STK32B: variants seen among roughly 807,000 people sequenced by gnomAD.
The protein encoded by STK32B is serine/threonine kinase 32B.
Under a neutral mutation model 52.6 loss-of-function variants are expected in STK32B, and 43 were observed. The observed-to-expected ratio is 0.82, with a 90% CI of 0.64 to 1.05. The LOEUF is 1.05. Among genes scored for constraint, STK32B ranks in the 50% least tolerant of loss-of-function variants. The pLI is 0.00. For synonymous variants in STK32B, 238 were observed against 204.3 expected, an observed-to-expected ratio of 1.17 and a Z score of -1.41; for missense variants, 621 against 534.6, an observed-to-expected ratio of 1.16 and a Z score of -1.59.
In STK32B at chr4:5,059,052, CTTTTTTTTTTTTTTTT is replaced by C. The variant is rs3072775; in HGVS notation, c.52+7151_52+7166del. Among the ~76,000 whole-genome samples the C allele has an allele frequency of 2.2e-3, 190 of 86,922 alleles. 5 individuals are homozygous for C. Among genetic ancestry groups the C allele is most frequent in the Non-Finnish European group, 5.0e-4 (24 of 47,892 alleles). The allele number at this position is 86,922 out of a possible 152,430, so 57.0% of individuals were successfully genotyped here. A position where few individuals can be genotyped will look rare whatever the true frequency, so the allele number is the denominator to read the frequency against. On this transcript the variant is annotated intron_variant, in intron 1 of 11. Transcript: ENST00000282908. ...AGGCGTGAGCCACCACGCCCAGCTG[CTTTTTTTTTTTTTTTT>C]TTTTTTTTTTTTTGTAGAGCTGAGG...
rs1720597468 is a variant in STK32B, at chr4:5,499,880, A to G, written c.*797A>G. The G allele has an allele frequency of 1.3e-5, 2 of 152,236 alleles. No homozygotes were observed. The highest frequency in any genetic ancestry group is 4.2e-4 in the South Asian group (2 of 4,812). 9.4% of individuals were successfully genotyped at this position (152,236 alleles called of 1,614,324 possible). Reference sequence around the variant, plus strand: ...CAGAGTGTAATCAGCACCCCATCCAACTGGCCCGAAAGCCCAGACCTGCAG... The same window carrying G: ...CAGAGTGTAATCAGCACCCCATCCAGCTGGCCCGAAAGCCCAGACCTGCAG... On this transcript the variant is annotated 3_prime_UTR_variant, in exon 12 of 12. Coordinates refer to ENST00000282908, the MANE Select transcript of STK32B (RefSeq NM_018401.3).
At chr4:5,486,526 G>A (rs1008513125) in intron 11 of STK32B, among the ~76,000 whole-genome samples, 22 of 152,224 alleles carry the variant, frequency 1.4e-4, no homozygotes, top group East Asian at 1.9e-4. Context: ...GACTTCTTGC[G>A]CTTCCAAGGT....
intron 3 of STK32B, among the ~76,000 whole-genome samples, chr4:5,181,663 G>A (rs1415043603): frequency 1.3e-5 from 2 of 152,222 alleles, no homozygotes; most frequent in Non-Finnish European, 2.9e-5. Context: ...ACGCCATACT[G>A]TAGTCGATTA....
chr4:5,357,072 TACACACACACACGTATACAC>T (rs1734233753), intron 4 of STK32B, among the ~76,000 whole-genome samples: 1 of 143,750 alleles, frequency 7.0e-6, no homozygotes, highest in Non-Finnish European at 1.5e-5. Context: ...TACACACATA[TACACACACACACGTATACAC>T]ACACACACAC....
At chr4:5,169,833 C>G (rs545679916) in intron 3 of STK32B, among the ~76,000 whole-genome samples, 1 of 152,018 alleles carries the variant, frequency 6.6e-6, no homozygotes, top group Non-Finnish European at 1.5e-5. Flanking sequence ...CAAAAATTAC[C>G]CAGAAGCTCT....
chr4:5,087,878 T>C (rs1485798198), intron 1 of STK32B, among the ~76,000 whole-genome samples: 1 of 151,948 alleles, frequency 6.6e-6, no homozygotes, highest in African/African-American at 2.4e-5. Context: ...CTTTCAAAAA[T>C]GAAAAGAGCA....
At chr4:5,166,814 C>T (rs569322646) in intron 2 of STK32B, among the ~76,000 whole-genome samples, 41 of 152,218 alleles carry the variant, frequency 2.7e-4, no homozygotes, top group African/African-American at 4.8e-4. Context: ...AATCCCTTAT[C>T]GAGGTGTTGG....
intron 4 of STK32B, among the ~76,000 whole-genome samples, chr4:5,338,621 G>A (rs1732866196): frequency 6.6e-6 from 1 of 152,208 alleles, no homozygotes; most frequent in Non-Finnish European, 1.5e-5. Context: ...TTCCAGAGCT[G>A]AGCCAGGGAT....
intron 3 of STK32B, among the ~76,000 whole-genome samples, chr4:5,302,760 C>A (rs1209259095): frequency 1.3e-5 from 2 of 151,848 alleles, no homozygotes; most frequent in Non-Finnish European, 1.5e-5. Flanking sequence ...CTCCCTCCCA[C>A]CCTTCCCTCA....
chr4:5,414,954 G>T (rs1304217274), intron 5 of STK32B, among the ~76,000 whole-genome samples: 19 of 152,220 alleles, frequency 1.2e-4, no homozygotes, highest in African/African-American at 4.6e-4. Flanking sequence ...AGGCTTCATA[G>T]TCCTCTTCCA....
At chr4:5,362,548 G>C (rs1352446443) in intron 4 of STK32B, among the ~76,000 whole-genome samples, 1 of 152,144 alleles carries the variant, frequency 6.6e-6, no homozygotes, top group Non-Finnish European at 1.5e-5. Flanking sequence ...CTGTATTGTG[G>C]AGCAAATGGG....
chr4:5,204,336 T>G (rs555117675), intron 3 of STK32B: 1 of 153,146 alleles, frequency 6.5e-6, no homozygotes, highest in Non-Finnish European at 1.5e-5. Flanking sequence ...ATAAGGGAAG[T>G]GGTTTGTCTG....
intron 3 of STK32B, among the ~76,000 whole-genome samples, chr4:5,196,017 T>C (rs1012717915): frequency 6.6e-6 from 1 of 152,252 alleles, no homozygotes; most frequent in Non-Finnish European, 1.5e-5. Flanking sequence ...GCCAAAGTTA[T>C]GGCCTGAGAC....
At chr4:5,392,287 G>T (rs748286652) in intron 4 of STK32B, among the ~76,000 whole-genome samples, 29 of 152,060 alleles carry the variant, frequency 1.9e-4, no homozygotes, top group Non-Finnish European at 4.1e-4. Flanking sequence ...TTAGTCAGGT[G>T]TGGTGGTGCA....
At position 5,499,421 on chromosome 4, in the gene STK32B, G is replaced by A; in HGVS notation, c.*338G>A. 3.9e-6 allele frequency: 1 copy of A among 254,782 alleles called. No homozygotes were observed. The highest frequency in any genetic ancestry group is 7.4e-6 in the Non-Finnish European group (1 of 135,712). 15.8% of individuals were successfully genotyped at this position (254,782 alleles called of 1,614,324 possible). Reference sequence around the variant, plus strand: ...GATATTTATAAAATCATTTTTACGTGCAAAATATAACCTTAATATTTGAAG... The same window carrying A: ...GATATTTATAAAATCATTTTTACGTACAAAATATAACCTTAATATTTGAAG... On this transcript the variant is annotated 3_prime_UTR_variant, in exon 12 of 12. Transcript: ENST00000282908.
chr4:5,159,025 C>G (rs1470875028), intron 2 of STK32B, among the ~76,000 whole-genome samples: 1 of 152,192 alleles, frequency 6.6e-6, no homozygotes, highest in Admixed American at 6.5e-5. Context: ...CATCTCATCT[C>G]AGTGACATCA....
At chr4:5,216,359 C>T (rs1723183554) in intron 3 of STK32B, among the ~76,000 whole-genome samples, 1 of 152,136 alleles carries the variant, frequency 6.6e-6, no homozygotes, top group South Asian at 2.1e-4. Flanking sequence ...ACAGCAGACA[C>T]AGTGCTTACC....
At chr4:5,389,006 A>C (rs896869814) in intron 4 of STK32B, among the ~76,000 whole-genome samples, 1 of 152,192 alleles carries the variant, frequency 6.6e-6, no homozygotes, top group Non-Finnish European at 1.5e-5. Flanking sequence ...ATTAAAAAAA[A>C]ATCAGCAACC....
intron 3 of STK32B, among the ~76,000 whole-genome samples, chr4:5,273,735 C>T (rs1422468153): frequency 3.8e-5 from 5 of 130,350 alleles, no homozygotes; most frequent in Non-Finnish European, 6.3e-5. Flanking sequence ...AGTAAACTAT[C>T]GCAAGAACAA....
Sources: gnomAD v4.1 joint callset for allele counts (sites outside exome capture counted in the v4.1 genomes callset) on GRCh38, gnomAD v4.1.1 for gene constraint, MANE v1.5 for transcripts, NCBI Gene and HGNC (gene_info 2026-07-23, HGNC 2026-07-21) for gene names.